The following MCTP1 variants were observed in gnomAD, a reference collection of about 807,000 sequenced individuals.
MCTP1 encodes multiple C2 and transmembrane domain-containing protein 1.
In MCTP1, 69 loss-of-function variants were observed where a neutral mutation model predicts 120.6. That is an observed-to-expected ratio of 0.57 (90% CI 0.47 to 0.70). The LOEUF is 0.70. Ranked by LOEUF, MCTP1 falls within the 30% of genes least tolerant of loss-of-function variation. MCTP1 has a pLI of 0.00. For synonymous variants in MCTP1, 529 were observed against 493.1 expected, an observed-to-expected ratio of 1.07 and a Z score of -0.96; for missense variants, 1,203 against 1,248.8, an observed-to-expected ratio of 0.96 and a Z score of 0.55.
At chr5:94,867,179 G>A in intron 17 of MCTP1, 1 of 1,323,790 alleles carries the variant, frequency 7.6e-7, no homozygotes, top group East Asian at 2.6e-5. Flanking sequence ...ATAAGAAAGA[G>A]CTACAAAAAG....
chr5:95,141,900 T>C (rs1271949317), intron 1 of MCTP1, among the ~76,000 whole-genome samples: 1 of 152,206 alleles, frequency 6.6e-6, no homozygotes, highest in Non-Finnish European at 1.5e-5. Context: ...GTAAAGACTT[T>C]AATAAAAACT....
In MCTP1 at chr5:94,704,063, T is replaced by G. The variant is rs1327713968; in HGVS notation, c.*3433A>C. ...TCATCCCAGGAAAAAGAATTATAAT[T>G]GAAAGGAATGACACTATTGTAAGAA... is the stretch of plus-strand genomic sequence containing the variant. On this transcript the variant is annotated 3_prime_UTR_variant, in exon 23 of 23. Coordinates refer to ENST00000515393, the MANE Select transcript of MCTP1 (RefSeq NM_024717.7). The G allele has an allele frequency of 6.6e-6, 1 of 151,414 alleles. No homozygotes were observed. The highest frequency in any genetic ancestry group is 1.5e-5 in the Non-Finnish European group (1 of 67,616). The allele number at this position is 151,414 out of a possible 1,614,324, so 9.4% of individuals were successfully genotyped here. A position where few individuals can be genotyped will look rare whatever the true frequency, so the allele number is the denominator to read the frequency against.
At chr5:94,966,065 T>C (rs144573143) in intron 2 of MCTP1, among the ~76,000 whole-genome samples, 2 of 152,142 alleles carry the variant, frequency 1.3e-5, no homozygotes, top group Non-Finnish European at 2.9e-5. Flanking sequence ...GATTAAACAA[T>C]CCTCAAACTG....
Position 94,890,139 on chromosome 5 carries a change from C to T in MCTP1, c.1840-1167G>A, listed in dbSNP as rs534755360. ...TCAGCCTCCTGAGTGGCTAGAACTA[C>T]CGGCATGTGCAACCATACTTGGTTA... On this transcript the variant is annotated intron_variant, in intron 11 of 22. Coordinates refer to ENST00000515393, the MANE Select transcript of MCTP1 (RefSeq NM_024717.7). Among the ~76,000 whole-genome samples the T allele has an allele frequency of 1.5e-4, 23 of 152,206 alleles. No homozygotes were observed. In the South Asian group the frequency reaches 4.1e-3, roughly 27 times the overall value.
At position 95,283,868 on chromosome 5, in the gene MCTP1, G is replaced by C; in HGVS notation, c.708C>G (p.His236Gln). 1 of 1,374,278 alleles carries C rather than the reference G, an allele frequency of 7.3e-7. No individual in the cohort carries two copies. The highest frequency in any genetic ancestry group is 9.3e-7 in the Non-Finnish European group (1 of 1,072,782). 85.1% of individuals were successfully genotyped at this position (1,374,278 alleles called of 1,614,324 possible). A position where few individuals can be genotyped will look rare whatever the true frequency, so the allele number is the denominator to read the frequency against. Residue 236 changes from histidine to glutamine, a missense_variant, in exon 1 of 23, where the codon CAC becomes CAG. His to Gln is a conservative substitution (Grantham distance 24). This residue lies in a region of MCTP1 where 463 missense variants were observed against 377.8 expected (regional missense o/e 1.23). Transcript: ENST00000515393. ...CACCGGCACTCACCTGGCTGCTGCC[G>C]TGCTCCTCGCCCGTCTCCGGGGCCC... Reference protein sequence around the residue: ...ESRAPETGEEHGSSQKIINTA... With the variant: ...ESRAPETGEEQGSSQKIINTA...
chr5:95,030,779 A>T (rs1840135262), intron 1 of MCTP1, among the ~76,000 whole-genome samples: 1 of 152,200 alleles, frequency 6.6e-6, no homozygotes. Flanking sequence ...TGATACTTTT[A>T]AAGGACTACT....
At chr5:95,016,048 GA>G (rs760716138) in intron 2 of MCTP1, among the ~76,000 whole-genome samples, 84 of 152,158 alleles carry the variant, frequency 5.5e-4, no homozygotes, top group Non-Finnish European at 9.9e-4. Context: ...GTCTTCTTTG[GA>G]AACAGGCAGT....
In MCTP1 at chr5:95,284,564, C is replaced by A; in HGVS notation, c.12G>T (p.Arg4=). 1.4e-6 allele frequency: 2 copies of A among 1,440,002 alleles called. No individual in the cohort carries two copies. The highest frequency in any genetic ancestry group is 1.5e-5 in the South Asian group (1 of 68,474). The allele number at this position is 1,440,002 out of a possible 1,614,324, so 89.2% of individuals were successfully genotyped here. The change falls in exon 1 of 23, where the codon CGG becomes CGT. Residue 4 remains arginine, a synonymous_variant. Coordinates refer to ENST00000515393, the MANE Select transcript of MCTP1 (RefSeq NM_024717.7). This position sits in a 1 kb window ranked among gnomAD's most constrained non-coding sequence, Gnocchi z 5.2. MEP[R]AAAAGEPEPP... is the part of the protein sequence containing the mutation. The stretch of plus-strand genomic sequence containing the variant: ...GCTCTGGCTCGCCCGCCGCGGCAGC[C>A]CGGGGCTCCATCCTCCACCCCCTGC...
chr5:94,768,316 A>G (rs1773271426), intron 19 of MCTP1, among the ~76,000 whole-genome samples: 1 of 152,200 alleles, frequency 6.6e-6, no homozygotes, highest in African/African-American at 2.4e-5. Flanking sequence ...AAGAAAACAT[A>G]GGAGAAATAC....
chr5:94,716,823 G>T (rs1449880327), intron 19 of MCTP1, among the ~76,000 whole-genome samples: 1 of 151,816 alleles, frequency 6.6e-6, no homozygotes, highest in Non-Finnish European at 1.5e-5. Flanking sequence ...TTAGAGTGGA[G>T]AAAACGGGGA....
chr5:94,747,258 A>G (rs2152780509), intron 19 of MCTP1, among the ~76,000 whole-genome samples: 1 of 152,300 alleles, frequency 6.6e-6, no homozygotes, highest in Non-Finnish European at 1.5e-5. Context: ...CATGCTCACC[A>G]TTTTAACAGT....
intron 1 of MCTP1, among the ~76,000 whole-genome samples, chr5:95,031,096 A>T (rs1424127996): frequency 6.6e-6 from 1 of 152,202 alleles, no homozygotes. Context: ...AATTTAAAAA[A>T]AATTAAAAAA....
intron 19 of MCTP1, among the ~76,000 whole-genome samples, chr5:94,715,375 A>AC (rs1299046574): frequency 6.6e-6 from 1 of 150,546 alleles, no homozygotes; most frequent in African/African-American, 2.4e-5. Context: ...AAAAAAAAAA[A>AC]AAAAAAAAAA....
intron 1 of MCTP1, among the ~76,000 whole-genome samples, chr5:95,031,918 A>T (rs1156738114): frequency 6.6e-6 from 1 of 152,158 alleles, no homozygotes; most frequent in Non-Finnish European, 1.5e-5. Context: ...ACAAATGGAA[A>T]ACAATAAAGA....
intron 18 of MCTP1, among the ~76,000 whole-genome samples, chr5:94,797,534 A>T (rs1043276223): frequency 6.6e-6 from 1 of 152,192 alleles, no homozygotes; most frequent in Non-Finnish European, 1.5e-5. Flanking sequence ...CGCTTATAGC[A>T]TTTAGGGCTT....
intron 2 of MCTP1, among the ~76,000 whole-genome samples, chr5:94,978,518 C>T (rs1828631939): frequency 6.6e-6 from 1 of 151,986 alleles, no homozygotes; most frequent in Admixed American, 6.6e-5. Context: ...GAATATTATT[C>T]AGACTGAAAA....
At chr5:94,767,325 C>A (rs920472877) in intron 19 of MCTP1, among the ~76,000 whole-genome samples, 2 of 152,108 alleles carry the variant, frequency 1.3e-5, no homozygotes, top group Non-Finnish European at 2.9e-5. Context: ...ATGGGGAAAA[C>A]CTGAAAGCCT....
At chr5:95,238,652 A>T (rs957301618) in intron 1 of MCTP1, among the ~76,000 whole-genome samples, 16 of 152,148 alleles carry the variant, frequency 1.1e-4, no homozygotes, top group African/African-American at 3.9e-4. Context: ...TTTATAACCG[A>T]ACATGCAGCA....
chr5:94,973,623 C>T (rs1323030343), intron 2 of MCTP1, among the ~76,000 whole-genome samples: 1 of 152,148 alleles, frequency 6.6e-6, no homozygotes, highest in African/African-American at 2.4e-5. Flanking sequence ...GAATGACATA[C>T]ATTACTGTTA....
Sources: allele counts gnomAD v4.1 joint callset (sites outside exome capture counted in the v4.1 genomes callset), GRCh38; gene constraint gnomAD v4.1.1; regional missense constraint gnomAD v4.1.1; non-coding constraint Gnocchi (gnomAD v3.1); transcripts MANE v1.5; gene names NCBI Gene and HGNC (gene_info 2026-07-23, HGNC 2026-07-21).